DBT: variants seen among roughly 807,000 people sequenced by gnomAD.
The protein encoded by DBT is dihydrolipoamide branched chain transacylase E2, also known as lipoamide acyltransferase component of branched-chain alpha-keto acid dehydrogenase complex, mitochondrial.
A neutral mutation model predicts 51.3 loss-of-function variants in DBT; 40 were observed. The observed-to-expected ratio is 0.78, with a 90% CI of 0.61 to 1.02. DBT has a LOEUF of 1.02. Among genes scored for constraint, DBT ranks in the 50% least tolerant of loss-of-function variants. The pLI, the probability that DBT is intolerant of heterozygous loss-of-function variation, is 0.00. For missense variants in DBT, 510 were observed against 580.2 expected (o/e 0.88, Z 1.24); for synonymous variants, 181 against 190.4 (o/e 0.95, Z 0.41).
rs1262272817 is a variant in DBT, at chr1:100,190,707, C to A, written c.*5548G>T. ...GGTATTTGCTGATGGAGAACCACTT[C>A]TCGGAAAGAGAAACAAAAAGAAAGT... On this transcript the variant is annotated 3_prime_UTR_variant, in exon 11 of 11. Coordinates refer to ENST00000370132, the MANE Select transcript of DBT (RefSeq NM_001918.5). The A allele has an allele frequency of 6.6e-6, 1 of 152,046 alleles. No homozygotes were observed. Among genetic ancestry groups the A allele is most frequent in the Admixed American group, 6.6e-5 (1 of 15,260 alleles). 9.4% of individuals were successfully genotyped at this position (152,046 alleles called of 1,614,324 possible). A position where few individuals can be genotyped will look rare whatever the true frequency, so the allele number is the denominator to read the frequency against.
At chr1:100,236,799 A>T (rs1042828965) in intron 2 of DBT, among the ~76,000 whole-genome samples, 1 of 152,256 alleles carries the variant, frequency 6.6e-6, no homozygotes, top group African/African-American at 2.4e-5. Flanking sequence ...CTCTATACAA[A>T]GCAATATGCA....
intron 7 of DBT, chr1:100,213,715 C>A: frequency 1.3e-6 from 2 of 1,584,410 alleles, no homozygotes; most frequent in South Asian, 1.2e-5. Flanking sequence ...CTCTCTTTTT[C>A]TAATGTAAAT....
chr1:100,195,816 C>A lies in DBT; in HGVS notation c.*439G>T, dbSNP rs1661055676. 1.0e-5 allele frequency: 2 copies of A among 200,504 alleles called. No homozygotes were observed. Among genetic ancestry groups the A allele is most frequent in the South Asian group, 1.7e-4 (2 of 11,584 alleles). 12.4% of individuals were successfully genotyped at this position (200,504 alleles called of 1,614,324 possible). The stretch of plus-strand genomic sequence containing the variant: ...AGTAGCTGGGATTATAGGTACCCAC[C>A]ACCACACCCGGCTAATTTTTGTATT... On this transcript the variant is annotated 3_prime_UTR_variant, in exon 11 of 11. Coordinates refer to ENST00000370132, the MANE Select transcript of DBT (RefSeq NM_001918.5).
In DBT at chr1:100,186,947, T is replaced by C. The variant is rs1321512835; in HGVS notation, c.*9308A>G. 2.0e-5 allele frequency: 3 copies of C among 152,106 alleles called. No homozygotes were observed. Among genetic ancestry groups the C allele is most frequent in the African/African-American group, 7.2e-5 (3 of 41,412 alleles). The allele number at this position is 152,106 out of a possible 1,614,324, so 9.4% of individuals were successfully genotyped here. A position where few individuals can be genotyped will look rare whatever the true frequency, so the allele number is the denominator to read the frequency against. On this transcript the variant is annotated 3_prime_UTR_variant, in exon 11 of 11. Transcript: ENST00000370132. ...TATTATATGAAAACTGTTTATTCTA[T>C]AGCCTACTGGGAATTGGCCAGAAGT...
chr1:100,243,947 A>AG (rs912330636), intron 1 of DBT, among the ~76,000 whole-genome samples: 1 of 151,156 alleles, frequency 6.6e-6, no homozygotes, highest in African/African-American at 2.4e-5. Flanking sequence ...TACGAAAAAA[A>AG]AAAAAAAGAG....
At chr1:100,199,133 C>T (rs531605423) in intron 10 of DBT, among the ~76,000 whole-genome samples, 6 of 151,922 alleles carry the variant, frequency 3.9e-5, no homozygotes, top group Non-Finnish European at 5.9e-5. Context: ...TTCAAGCTCC[C>T]GTATGATTCT....
chr1:100,201,861 A>G (rs1317605207), intron 10 of DBT, among the ~76,000 whole-genome samples: 2 of 152,176 alleles, frequency 1.3e-5, no homozygotes, highest in Non-Finnish European at 2.9e-5. Context: ...ATGCTGACAG[A>G]TTTTGTCACC....
chr1:100,209,114 CA>C lies in DBT; in HGVS notation c.1017+1579del, dbSNP rs1434556947. On this transcript the variant is annotated intron_variant, in intron 8 of 10. Coordinates refer to ENST00000370132, the MANE Select transcript of DBT (RefSeq NM_001918.5). ...TTTTCTTTTCTTTTTTTTTTTTTGACAAAGGCAGGGTTTCACTTTGTCACCT... is the reference window on the plus strand; with the variant it reads ...TTTTCTTTTCTTTTTTTTTTTTTGACAAGGCAGGGTTTCACTTTGTCACCT... Among the ~76,000 whole-genome samples the C allele has an allele frequency of 7.2e-5, 10 of 138,174 alleles. No individual in the cohort carries two copies. The Admixed American group carries it at 7.5e-4, about 10-fold the overall frequency. 90.6% of individuals were successfully genotyped at this position (138,174 alleles called of 152,430 possible).
chr1:100,196,134 T>C lies in DBT; in HGVS notation c.*121A>G. The C allele has an allele frequency of 1.1e-6, 1 of 898,494 alleles. No homozygotes were observed. The highest frequency in any genetic ancestry group is 1.8e-6 in the Non-Finnish European group (1 of 553,024). 55.7% of individuals were successfully genotyped at this position (898,494 alleles called of 1,614,324 possible). Reference sequence around the variant, plus strand: ...ACAGTGACAAATATTGTGCCTTAGATCCTTAATCATACGATACAAATCATT... The same window carrying C: ...ACAGTGACAAATATTGTGCCTTAGACCCTTAATCATACGATACAAATCATT... On this transcript the variant is annotated 3_prime_UTR_variant, in exon 11 of 11. Transcript: ENST00000370132.
At chr1:100,204,913 C>G (rs895880106) in intron 10 of DBT, among the ~76,000 whole-genome samples, 1 of 152,164 alleles carries the variant, frequency 6.6e-6, no homozygotes, top group Non-Finnish European at 1.5e-5. Flanking sequence ...ATGCAGAAAA[C>G]TGAAACTGGA....
At position 100,194,202 on chromosome 1, in the gene DBT, C is replaced by T. The variant is rs1660947043; in HGVS notation, c.*2053G>A. The stretch of plus-strand genomic sequence containing the variant: ...TATTTTTTAGAGACCAGGTCTCACT[C>T]TGTCACCCATACTGGAGGATAGTGG... On this transcript the variant is annotated 3_prime_UTR_variant, in exon 11 of 11. Transcript: ENST00000370132. 6.6e-6 allele frequency: 1 copy of T among 152,170 alleles called. No individual in the cohort carries two copies. Among genetic ancestry groups the T allele is most frequent in the African/African-American group, 2.4e-5 (1 of 41,428 alleles). The allele number at this position is 152,170 out of a possible 1,614,324, so 9.4% of individuals were successfully genotyped here.
intron 7 of DBT, among the ~76,000 whole-genome samples, chr1:100,212,560 G>A (rs1662216727): frequency 6.6e-6 from 1 of 152,002 alleles, no homozygotes; most frequent in Admixed American, 6.6e-5. Context: ...AAGAAAGAAA[G>A]AAAAAGGGAG....
At position 100,218,752 on chromosome 1, in the gene DBT, T is replaced by G. The variant is rs374530437; in HGVS notation, c.434-5A>C. 9 of 1,613,288 alleles carry G rather than the reference T, an allele frequency of 5.6e-6. No homozygotes were observed. The highest frequency in any genetic ancestry group is 6.8e-6 in the Non-Finnish European group (8 of 1,179,546). On this transcript the variant is annotated splice_polypyrimidine_tract_variant and splice_region_variant and intron_variant, in intron 4 of 10. Coordinates refer to ENST00000370132, the MANE Select transcript of DBT (RefSeq NM_001918.5). ...CAACAACATCTTCTTCTGAATCTGGTAACAAGGTAAAACTTAACTTCAGTT... is the reference window on the plus strand; with the variant it reads ...CAACAACATCTTCTTCTGAATCTGGGAACAAGGTAAAACTTAACTTCAGTT...
At chr1:100,238,172 GCTTCCTTCCTTCCCTC>G (rs1296876970) in intron 2 of DBT, among the ~76,000 whole-genome samples, 10 of 16,014 alleles carry the variant, frequency 6.2e-4, no homozygotes, top group African/African-American at 7.9e-4. Context: ...TTCCTCCCTC[GCTTCCTTCCTTCCCTC>G]CTTCCTTCCT....
chr1:100,218,932 T>TGGG (rs55792733), intron 4 of DBT, among the ~76,000 whole-genome samples, 185 bp from the exon 5 acceptor site: 76 of 146,808 alleles, frequency 5.2e-4, no homozygotes, highest in African/African-American at 1.6e-3. Context: ...ATGGGTAGAG[T>TGGG]GGGGGGGGGG....
In DBT at chr1:100,206,440, C is replaced by G. The variant is rs1262276691; in HGVS notation, c.1209+5G>C. ...TGGTTTATGTATTTCAACATTATTACTCACTGATCCAATGTTGGAAAGAGT... is the reference window on the plus strand; with the variant it reads ...TGGTTTATGTATTTCAACATTATTAGTCACTGATCCAATGTTGGAAAGAGT... On this transcript the variant is annotated splice_donor_5th_base_variant and intron_variant, in intron 9 of 10. Coordinates refer to ENST00000370132, the MANE Select transcript of DBT (RefSeq NM_001918.5). The G allele has an allele frequency of 3.1e-6, 5 of 1,607,898 alleles. No individual in the cohort carries two copies. The highest frequency in any genetic ancestry group is 1.7e-6 in the Non-Finnish European group (2 of 1,174,662).
intron 8 of DBT, 96 bp downstream of exon 8, chr1:100,210,598 A>G: frequency 1.3e-6 from 2 of 1,537,750 alleles, no homozygotes; most frequent in South Asian, 2.4e-5. Flanking sequence ...TCTAAAAAAG[A>G]TCACTATTTG....
rs1053440075 is a variant in DBT, at chr1:100,187,368, A to G, written c.*8887T>C. On this transcript the variant is annotated 3_prime_UTR_variant, in exon 11 of 11. Coordinates refer to ENST00000370132, the MANE Select transcript of DBT (RefSeq NM_001918.5). ...CTTTTTACTGCATAGCAAATTAAAAAGATATGCTCATCCCACTTTTATTTT... is the reference window on the plus strand; with the variant it reads ...CTTTTTACTGCATAGCAAATTAAAAGGATATGCTCATCCCACTTTTATTTT... The G allele has an allele frequency of 2.0e-5, 3 of 152,276 alleles. No individual in the cohort carries two copies. The highest frequency in any genetic ancestry group is 4.4e-5 in the Non-Finnish European group (3 of 68,050). The allele number at this position is 152,276 out of a possible 1,614,324, so 9.4% of individuals were successfully genotyped here.
At chr1:100,200,710 A>G (rs1355119728) in intron 10 of DBT, among the ~76,000 whole-genome samples, 3 of 152,192 alleles carry the variant, frequency 2.0e-5, no homozygotes, top group Non-Finnish European at 4.4e-5. Context: ...CAGAGGAAGA[A>G]GCAGGCAGCA....
Sources: gnomAD v4.1 joint callset for allele counts (sites outside exome capture counted in the v4.1 genomes callset) on GRCh38, gnomAD v4.1.1 for gene constraint, MANE v1.5 for transcripts, NCBI Gene and HGNC (gene_info 2026-07-23, HGNC 2026-07-21) for gene names.